Variants in UNC13C observed in about 807,000 individuals in gnomAD.
UNC13C encodes unc-13 homolog C.
In UNC13C, 174 loss-of-function variants were observed where a neutral mutation model predicts 245.4. That is an observed-to-expected ratio of 0.71 (90% CI 0.63 to 0.80). The LOEUF is 0.80. Ranked by LOEUF, UNC13C falls within the 30% of genes least tolerant of loss-of-function variation. UNC13C has a pLI of 0.00. For missense variants in UNC13C, 2,829 were observed against 2,602.9 expected (o/e 1.09, Z -1.89); for synonymous variants, 992 against 895.1 (o/e 1.11, Z -1.93).
intron 17 of UNC13C, among the ~76,000 whole-genome samples, chr15:54,343,424 C>T (rs148469973): frequency 0.016 from 2,383 of 151,988 alleles, 70 homozygotes; most frequent in African/African-American, 0.055. Context: ...TGAGCCACCG[C>T]GCCTGGCCCC....
intron 7 of UNC13C, among the ~76,000 whole-genome samples, chr15:54,242,007 G>A (rs1448465915): frequency 6.6e-6 from 1 of 152,172 alleles, no homozygotes; most frequent in Admixed American, 6.5e-5. Flanking sequence ...CTTCTGTAGG[G>A]CCTAGGGCAA....
At chr15:54,382,147 T>A (rs761537445) in intron 17 of UNC13C, among the ~76,000 whole-genome samples, 1 of 152,098 alleles carries the variant, frequency 6.6e-6, no homozygotes, top group African/African-American at 2.4e-5. Flanking sequence ...TGAATGACCA[T>A]TGGATCAATA....
At chr15:54,311,969 T>A (rs957656298) in intron 13 of UNC13C, among the ~76,000 whole-genome samples, 3 of 151,846 alleles carry the variant, frequency 2.0e-5, no homozygotes, top group African/African-American at 7.2e-5. Flanking sequence ...AAGAGACTTT[T>A]AAAATCAACA....
chr15:53,865,770 T>G, the UNC13C span, among the ~76,000 whole-genome samples: 1 of 152,104 alleles, frequency 6.6e-6, no homozygotes, highest in Non-Finnish European at 1.5e-5. Context: ...GCTTTGAAAA[T>G]GTATATCTAA....
intron 19 of UNC13C, among the ~76,000 whole-genome samples, chr15:54,434,623 T>C (rs1306014256): frequency 6.6e-6 from 1 of 151,914 alleles, no homozygotes; most frequent in African/African-American, 2.4e-5. Context: ...CCGGAAACCA[T>C]AAAAACCCTA....
At chr15:54,296,722 T>C (rs936688037) in intron 11 of UNC13C, among the ~76,000 whole-genome samples, 6 of 152,194 alleles carry the variant, frequency 3.9e-5, no homozygotes, top group Non-Finnish European at 7.3e-5. Context: ...GATACAGCTA[T>C]GTTTAGAAAG....
chr15:54,564,149 T>C (rs752717443), intron 29 of UNC13C, among the ~76,000 whole-genome samples: 1 of 152,080 alleles, frequency 6.6e-6, no homozygotes, highest in Non-Finnish European at 1.5e-5. Flanking sequence ...CCTGGCAATT[T>C]GTTTTCTCTT....
intron 19 of UNC13C, among the ~76,000 whole-genome samples, chr15:54,421,698 A>G (rs72734783): frequency 0.08 from 12,198 of 152,142 alleles, 557 homozygotes; most frequent in Admixed American, 0.15. Context: ...GATTCTTTAT[A>G]GACATCTCAT....
Position 54,402,952 on chromosome 15 carries a change from G to A in UNC13C, c.4847+9771G>A, listed in dbSNP as rs528034539. Among the ~76,000 whole-genome samples, 42 of 152,228 alleles carry A rather than the reference G, an allele frequency of 2.8e-4. No individual in the cohort carries two copies. In the East Asian group the frequency reaches 6.4e-3, roughly 23 times the overall value. The stretch of plus-strand genomic sequence containing the variant: ...AAACTTAATTCATGAGACCATATCA[G>A]GATTTGTAGAGATAATGCACAGAAA... On this transcript the variant is annotated intron_variant, in intron 18 of 32. Coordinates refer to ENST00000260323, the MANE Select transcript of UNC13C (RefSeq NM_001080534.3).
intron 2 of UNC13C, among the ~76,000 whole-genome samples, chr15:54,017,319 T>C (rs1470166241): frequency 6.6e-6 from 1 of 152,182 alleles, no homozygotes; most frequent in African/African-American, 2.4e-5. Context: ...CATATGGTAA[T>C]AATATCTATC....
chr15:53,882,076 T>G, the UNC13C span, among the ~76,000 whole-genome samples: 1 of 152,202 alleles, frequency 6.6e-6, no homozygotes, highest in Non-Finnish European at 1.5e-5. Flanking sequence ...TCTAAAATGC[T>G]TATAAAATTA....
the UNC13C span, among the ~76,000 whole-genome samples, chr15:53,964,941 C>T: frequency 6.6e-6 from 1 of 152,148 alleles, no homozygotes; most frequent in East Asian, 1.9e-4. Context: ...CATAGCCTGC[C>T]CCAAGATACA....
intron 2 of UNC13C, among the ~76,000 whole-genome samples, chr15:54,142,812 T>G (rs1328275529): frequency 6.6e-6 from 1 of 152,208 alleles, no homozygotes; most frequent in East Asian, 1.9e-4. Context: ...ACTTTTATAC[T>G]TTTCAAGCAT....
chr15:54,382,753 C>G (rs909364814), intron 17 of UNC13C, among the ~76,000 whole-genome samples: 1 of 151,944 alleles, frequency 6.6e-6, no homozygotes, highest in African/African-American at 2.4e-5. Context: ...GAAACCAATG[C>G]AAAAGTTGGT....
At chr15:54,070,829 A>C (rs1308887991) in intron 2 of UNC13C, among the ~76,000 whole-genome samples, 1 of 152,130 alleles carries the variant, frequency 6.6e-6, no homozygotes, top group Admixed American at 6.6e-5. Context: ...GTTTATTAAG[A>C]TCCCAACTCA....
At chr15:53,898,383 A>C in the UNC13C span, among the ~76,000 whole-genome samples, 1 of 151,424 alleles carries the variant, frequency 6.6e-6, no homozygotes, top group Non-Finnish European at 1.5e-5. Flanking sequence ...TGATTCTAAA[A>C]GTCTATTGAA....
At chr15:53,951,266 T>C in the UNC13C span, among the ~76,000 whole-genome samples, 3 of 152,214 alleles carry the variant, frequency 2.0e-5, no homozygotes, top group Admixed American at 6.5e-5. Flanking sequence ...ACAAGCTGAA[T>C]TGGGTATATT....
intron 2 of UNC13C, among the ~76,000 whole-genome samples, chr15:54,042,180 A>G (rs1442701555): frequency 1.3e-5 from 2 of 152,224 alleles, no homozygotes; most frequent in Admixed American, 6.5e-5. Context: ...CTCAACCTCT[A>G]TAAAATATCA....
intron 2 of UNC13C, among the ~76,000 whole-genome samples, chr15:54,080,734 A>G (rs534403839): frequency 9.2e-5 from 14 of 151,952 alleles, no homozygotes; most frequent in Non-Finnish European, 1.6e-4. Flanking sequence ...CTAGATATTG[A>G]TATGTCAGTT....
Sources: gnomAD v4.1 joint callset for allele counts (sites outside exome capture counted in the v4.1 genomes callset) on GRCh38, gnomAD v4.1.1 for gene constraint, MANE v1.5 for transcripts, NCBI Gene and HGNC (gene_info 2026-07-23, HGNC 2026-07-21) for gene names.